Variants in PTPRG observed in about 807,000 individuals in gnomAD.
PTPRG encodes the protein protein tyrosine phosphatase receptor type G.
Under a neutral mutation model 165.3 loss-of-function variants are expected in PTPRG, and 102 were observed. The ratio of observed to expected loss-of-function variants is 0.62; its 90% CI spans 0.53 to 0.73. The LOEUF is 0.73. Ranked by LOEUF, PTPRG falls within the 30% of genes least tolerant of loss-of-function variation. PTPRG has a pLI of 0.00. For missense variants in PTPRG, 1,866 were observed against 1,861.4 expected, an observed-to-expected ratio of 1.00 and a Z score of -0.05; for synonymous variants, 675 against 669.5, an observed-to-expected ratio of 1.01 and a Z score of -0.13.
At chr3:61,982,906 C>G (rs921491536) in intron 2 of PTPRG, among the ~76,000 whole-genome samples, 4 of 152,126 alleles carry the variant, frequency 2.6e-5, no homozygotes, top group African/African-American at 4.8e-5. Context: ...TCTGATATTA[C>G]TTCTGGTATT....
chr3:62,194,955 C>A (rs1699923062), intron 9 of PTPRG, 107 bp from the exon 10 acceptor site: 3 of 1,005,646 alleles, frequency 3.0e-6, no homozygotes, highest in South Asian at 1.4e-5. Context: ...AGCAGGGAAG[C>A]ATCACACCTG....
intron 1 of PTPRG, chr3:61,659,264 T>C (rs1167622442): frequency 1.0e-6 from 1 of 971,334 alleles, no homozygotes; most frequent in Non-Finnish European, 1.2e-6. Context: ...TATAGGCATA[T>C]ACAATGTATG....
At chr3:61,902,113 G>T (rs1409886502) in intron 2 of PTPRG, among the ~76,000 whole-genome samples, 1 of 152,170 alleles carries the variant, frequency 6.6e-6, no homozygotes, top group African/African-American at 2.4e-5. Context: ...AGTATGAATT[G>T]TCCTTCTCAC....
chr3:61,634,677 A>G (rs1701858959), intron 1 of PTPRG, among the ~76,000 whole-genome samples: 1 of 152,196 alleles, frequency 6.6e-6, no homozygotes, highest in Non-Finnish European at 1.5e-5. Flanking sequence ...ACCACTCAGC[A>G]GAGGTTTGAA....
rs1347422710 is a variant in PTPRG at position 61,562,143 on chromosome 3, G to A, written c.-145G>A. 3.1e-6 allele frequency: 2 copies of A among 650,258 alleles called. No homozygotes were observed. The highest frequency in any genetic ancestry group is 5.3e-6 in the Non-Finnish European group (2 of 374,452). The allele number at this position is 650,258 out of a possible 1,614,324, so 40.3% of individuals were successfully genotyped here. On this transcript the variant is annotated 5_prime_UTR_variant, in exon 1 of 30. Coordinates refer to ENST00000474889, the MANE Select transcript of PTPRG (RefSeq NM_002841.4). ...GCTCGGCGGCTTCCCGGATTCCAAG[G>A]GGACTCGGGCCGCCGAGCGCGGGGG...
chr3:62,275,959 T>C lies in PTPRG; in HGVS notation c.3552T>C (p.Val1184=). 6.2e-7 allele frequency: 1 copy of C among 1,605,452 alleles called. No homozygotes were observed. The highest frequency in any genetic ancestry group is 8.5e-7 in the Non-Finnish European group (1 of 1,172,990). ...AAGAAAAGAACAGAAACTCTTCAGT[T>C]GTGCCATGTAAGACTTTAAAACAGT... ...CNKEKNRNSS[V]VPSERARVGL... Residue 1184 remains valine, a synonymous_variant, in exon 24 of 30, where the codon GTT becomes GTC. Coordinates refer to ENST00000474889, the MANE Select transcript of PTPRG (RefSeq NM_002841.4).
intron 4 of PTPRG, among the ~76,000 whole-genome samples, chr3:62,021,857 C>CTTTTTTTTTTTTTTT (rs398062374): frequency 1.0e-5 from 1 of 97,090 alleles, no homozygotes; most frequent in Non-Finnish European, 2.1e-5. Flanking sequence ...TTTTCCTTTT[C>CTTTTTTTTTTTTTTT]TTTTTTTTTT....
At chr3:62,249,557 T>C (rs972951198) in intron 15 of PTPRG, among the ~76,000 whole-genome samples, 6 of 152,134 alleles carry the variant, frequency 3.9e-5, no homozygotes, top group African/African-American at 9.7e-5. Flanking sequence ...GGATTGCTCA[T>C]AGAGTGGGTG....
At chr3:61,641,771 A>C (rs1400344690) in intron 1 of PTPRG, among the ~76,000 whole-genome samples, 2 of 152,214 alleles carry the variant, frequency 1.3e-5, no homozygotes, top group Admixed American at 1.3e-4. Flanking sequence ...CAAATCTAGA[A>C]GCACGGACAT....
chr3:61,995,052 T>C (rs1306992892), intron 3 of PTPRG, among the ~76,000 whole-genome samples: 1 of 103,280 alleles, frequency 9.7e-6, no homozygotes, highest in Admixed American at 8.8e-5. Flanking sequence ...ACAGGTTTTT[T>C]TTTTCTTTTT....
intron 3 of PTPRG, among the ~76,000 whole-genome samples, chr3:61,994,584 T>A (rs918428440): frequency 5.9e-5 from 9 of 152,228 alleles, no homozygotes; most frequent in African/African-American, 1.9e-4. Flanking sequence ...TTTTCTAGTA[T>A]GTTACTGAGC....
intron 5 of PTPRG, among the ~76,000 whole-genome samples, chr3:62,097,764 C>A (rs1233735204): frequency 6.6e-6 from 1 of 152,096 alleles, no homozygotes; most frequent in Non-Finnish European, 1.5e-5. Flanking sequence ...TTATAAGGTA[C>A]ACAAAGTATA....
At chr3:62,162,043 A>G (rs1249615478) in intron 7 of PTPRG, among the ~76,000 whole-genome samples, 4 of 152,100 alleles carry the variant, frequency 2.6e-5, no homozygotes, top group East Asian at 1.9e-4. Context: ...CAGCCTTTTA[A>G]TGGCTCATAA....
At chr3:61,816,082 T>C (rs534214358) in intron 2 of PTPRG, among the ~76,000 whole-genome samples, 3 of 152,318 alleles carry the variant, frequency 2.0e-5, no homozygotes, top group African/African-American at 7.2e-5. Flanking sequence ...ATCTGTAACA[T>C]GACTTCAGTA....
intron 1 of PTPRG, among the ~76,000 whole-genome samples, chr3:61,652,244 T>C (rs1207695050): frequency 6.6e-6 from 1 of 151,470 alleles, no homozygotes; most frequent in African/African-American, 2.4e-5. Flanking sequence ...GAGGCGGAGG[T>C]TGCACCGAGC....
chr3:62,150,331 G>A (rs966487397), intron 6 of PTPRG, among the ~76,000 whole-genome samples: 3 of 152,218 alleles, frequency 2.0e-5, no homozygotes, highest in African/African-American at 7.2e-5. Context: ...GAATGAGGCT[G>A]CACAGGATGT....
chr3:62,066,377 A>G (rs72889505), intron 4 of PTPRG, among the ~76,000 whole-genome samples: 5,071 of 152,268 alleles, frequency 0.033, 272 homozygotes, highest in African/African-American at 0.11. Context: ...GTTGCAGTCT[A>G]TGTTGTCATG....
chr3:61,716,143 A>G (rs1165473417), intron 1 of PTPRG, among the ~76,000 whole-genome samples: 1 of 152,056 alleles, frequency 6.6e-6, no homozygotes, highest in Non-Finnish European at 1.5e-5. Flanking sequence ...CTCTTTAGGG[A>G]ATGGTTTGTT....
intron 1 of PTPRG, among the ~76,000 whole-genome samples, chr3:61,728,621 G>A (rs17065236): frequency 0.013 from 2,033 of 152,072 alleles, 43 homozygotes; most frequent in African/African-American, 0.046. Flanking sequence ...TTTAAAAATG[G>A]TGTCTAGCAC....
Sources: gnomAD v4.1 joint callset for allele counts (sites outside exome capture counted in the v4.1 genomes callset) on GRCh38, gnomAD v4.1.1 for gene constraint, MANE v1.5 for transcripts, NCBI Gene and HGNC (gene_info 2026-07-23, HGNC 2026-07-21) for gene names.